The following RNF115 variants were observed in gnomAD, a reference collection of about 807,000 sequenced individuals.
RNF115 encodes ring finger protein 115.
In RNF115, 31 loss-of-function variants were observed where a neutral mutation model predicts 39.2. That is an observed-to-expected ratio of 0.79 (90% CI 0.59 to 1.07). The LOEUF is 1.07. Among genes scored for constraint, RNF115 ranks in the 50% least tolerant of loss-of-function variants. The pLI is 0.00. For synonymous variants in RNF115, 124 were observed against 131.0 expected (o/e 0.95, Z 0.37); for missense variants, 384 against 381.7 (o/e 1.01, Z -0.05).
At chr1:145,797,580 G>A (rs1174378380) in intron 1 of RNF115, among the ~76,000 whole-genome samples, 1 of 152,032 alleles carries the variant, frequency 6.6e-6, no homozygotes, top group Non-Finnish European at 1.5e-5. Flanking sequence ...TCACCTCTTA[G>A]CTATCCTGAA....
chr1:145,766,301 A>T (rs1647272224), intron 4 of RNF115, among the ~76,000 whole-genome samples: 1 of 152,186 alleles, frequency 6.6e-6, no homozygotes, highest in South Asian at 2.1e-4. Flanking sequence ...CAGAGAGCAC[A>T]GGGTTGGGGG....
rs1553712293 is a variant in RNF115, at chr1:145,750,355, G to A, written c.667+52C>T. 5.0e-6 allele frequency: 7 copies of A among 1,390,428 alleles called. No homozygotes were observed. The Admixed American group carries it at 5.2e-5, about 10-fold the overall frequency. 86.1% of individuals were successfully genotyped at this position (1,390,428 alleles called of 1,614,324 possible). A position where few individuals can be genotyped will look rare whatever the true frequency, so the allele number is the denominator to read the frequency against. On this transcript the variant is annotated intron_variant, in intron 7 of 8. Transcript: ENST00000582693. ...CTTTTCACCTGTCAGAAGATACCGGGATTTTGAACCGAGATCAGAAGATGA... is the reference window on the plus strand; with the variant it reads ...CTTTTCACCTGTCAGAAGATACCGGAATTTTGAACCGAGATCAGAAGATGA...
At chr1:145,785,888 A>G (rs1648357425) in intron 2 of RNF115, among the ~76,000 whole-genome samples, 1 of 152,200 alleles carries the variant, frequency 6.6e-6, no homozygotes, top group Non-Finnish European at 1.5e-5. Context: ...AACAAGCCCA[A>G]AAGTACTTGT....
At chr1:145,795,843 T>C (rs1176547647) in intron 1 of RNF115, among the ~76,000 whole-genome samples, 3 of 152,210 alleles carry the variant, frequency 2.0e-5, no homozygotes, top group Admixed American at 2.0e-4. Context: ...AATGCTCTGC[T>C]AATTATTCTT....
At chr1:145,778,184 G>C (rs782148508) in intron 3 of RNF115, among the ~76,000 whole-genome samples, 1 of 152,166 alleles carries the variant, frequency 6.6e-6, no homozygotes, top group Non-Finnish European at 1.5e-5. Flanking sequence ...CTACAGCATG[G>C]ATGAACCTTG....
chr1:145,754,649 A>T (rs1477511615), intron 4 of RNF115, among the ~76,000 whole-genome samples: 1 of 152,138 alleles, frequency 6.6e-6, no homozygotes, highest in African/African-American at 2.4e-5. Flanking sequence ...AAACATTGTT[A>T]TTAACTACTG....
chr1:145,772,921 T>G (rs1423277839), intron 3 of RNF115: 1 of 152,238 alleles, frequency 6.6e-6, no homozygotes, highest in Admixed American at 6.5e-5. Context: ...CTCTTCAAAC[T>G]ATATAATTTC....
At chr1:145,789,614 T>A (rs1648563948) in intron 1 of RNF115, among the ~76,000 whole-genome samples, 1 of 151,136 alleles carries the variant, frequency 6.6e-6, no homozygotes, top group South Asian at 2.1e-4. Flanking sequence ...GTCAGGCTAG[T>A]CTCGAACTCC....
At position 145,741,817 on chromosome 1, in the gene RNF115, T is replaced by A. The variant is rs1208231221; in HGVS notation, c.*5049A>T. 18 of 152,310 alleles carry A rather than the reference T, an allele frequency of 1.2e-4. No individual in the cohort carries two copies. Among genetic ancestry groups the A allele is most frequent in the African/African-American group, 4.1e-4 (17 of 41,536 alleles). The allele number at this position is 152,310 out of a possible 1,614,324, so 9.4% of individuals were successfully genotyped here. ...ACCAGCCCTGCTCCTTCTCTTAAAATCTGTCTTCTCACCTGGGCGTGGTGG... is the reference window on the plus strand; with the variant it reads ...ACCAGCCCTGCTCCTTCTCTTAAAAACTGTCTTCTCACCTGGGCGTGGTGG... On this transcript the variant is annotated 3_prime_UTR_variant, in exon 9 of 9. Coordinates refer to ENST00000582693, the MANE Select transcript of RNF115 (RefSeq NM_014455.4).
chr1:145,795,016 C>CAAAAAAAAAAA (rs782249648), intron 1 of RNF115, among the ~76,000 whole-genome samples: 1 of 78,300 alleles, frequency 1.3e-5, no homozygotes, highest in African/African-American at 5.7e-5. Context: ...GACTCCATTT[C>CAAAAAAAAAAA]AAAAAAAAAA....
chr1:145,813,594 A>C (rs1649829527), intron 1 of RNF115, among the ~76,000 whole-genome samples: 1 of 152,224 alleles, frequency 6.6e-6, no homozygotes. Flanking sequence ...CTCCAAAGAC[A>C]GAAAGTAACT....
rs370748607 is a variant in RNF115, at chr1:145,756,936, A to G, written c.429-3887T>C. On this transcript the variant is annotated intron_variant, in intron 4 of 8. Transcript: ENST00000582693. ...ACTGCAACCTCTGCCTCCAGGTTTA[A>G]GCAATTCTCACGCCTCGGCCTCCTG... Among the ~76,000 whole-genome samples, 9 of 148,248 alleles carry G rather than the reference A, an allele frequency of 6.1e-5. No homozygotes were observed. The East Asian group carries it at 9.9e-4, about 16-fold the overall frequency.
At chr1:145,767,417 C>A (rs1266543706) in intron 4 of RNF115, among the ~76,000 whole-genome samples, 2 of 150,710 alleles carry the variant, frequency 1.3e-5, no homozygotes, top group Non-Finnish European at 3.0e-5. Flanking sequence ...AGATGATGGG[C>A]GGCCGGGCAG....
chr1:145,749,974 G>A (rs1483214050), intron 7 of RNF115, among the ~76,000 whole-genome samples: 1 of 152,122 alleles, frequency 6.6e-6, no homozygotes, highest in Non-Finnish European at 1.5e-5. Flanking sequence ...AACTGTACCT[G>A]ACACAAAGTA....
chr1:145,779,765 C>T (rs1013570296), intron 3 of RNF115, among the ~76,000 whole-genome samples: 7 of 151,898 alleles, frequency 4.6e-5, no homozygotes, highest in African/African-American at 7.3e-5. Flanking sequence ...TGGGTTCAAG[C>T]GATTCTCCTG....
chr1:145,794,548 CGCACAGGCTGGA>C (rs1648851165), intron 1 of RNF115, among the ~76,000 whole-genome samples: 1 of 121,392 alleles, frequency 8.2e-6, no homozygotes, highest in East Asian at 2.4e-4. Context: ...CTCACTCTGA[CGCACAGGCTGGA>C]GTGCAGTGGT....
chr1:145,788,979 G>A lies in RNF115; in HGVS notation c.103-13C>T, dbSNP rs781884298. 13 of 1,553,194 alleles carry A rather than the reference G, an allele frequency of 8.4e-6. No homozygotes were observed. Among genetic ancestry groups the A allele is most frequent in the South Asian group, 2.2e-5 (2 of 89,362 alleles). On this transcript the variant is annotated splice_polypyrimidine_tract_variant and intron_variant, in intron 1 of 8. Transcript: ENST00000582693. ...GACATATATATTCCTATAAAAGAAA[G>A]GAAGAAACAAATAAAACTTTTTCAT...
chr1:145,767,624 C>A (rs1293350274), intron 4 of RNF115, among the ~76,000 whole-genome samples: 1 of 152,206 alleles, frequency 6.6e-6, no homozygotes, highest in Non-Finnish European at 1.5e-5. Context: ...AGGCAGGCAG[C>A]TGGGAGGTGG....
At chr1:145,809,256 A>C (rs200898711) in intron 1 of RNF115, among the ~76,000 whole-genome samples, 1 of 144,364 alleles carries the variant, frequency 6.9e-6, no homozygotes, top group Non-Finnish European at 1.5e-5. Context: ...GTGCAATTTC[A>C]GCTCACTGCA....
Sources: gnomAD v4.1 joint callset for allele counts (sites outside exome capture counted in the v4.1 genomes callset) on GRCh38, gnomAD v4.1.1 for gene constraint, MANE v1.5 for transcripts, NCBI Gene and HGNC (gene_info 2026-07-23, HGNC 2026-07-21) for gene names.